The following NFIC variants were observed in gnomAD, a reference collection of about 807,000 sequenced individuals.
The protein encoded by NFIC is nuclear factor 1 C-type.
NFIC carries 12 observed loss-of-function variants against 54.4 expected under a neutral mutation model. The observed-to-expected ratio is 0.22, with a 90% CI of 0.14 to 0.36. The LOEUF is 0.36. NFIC is among the 10% of genes least tolerant of loss of function. NFIC has a pLI of 1.00. For missense variants in NFIC, 575 were observed against 718.2 expected (o/e 0.80, Z 2.28); for synonymous variants, 322 against 319.2 (o/e 1.01, Z -0.09).
rs763570016 is a variant in NFIC at position 3,449,137 on chromosome 19, G to A, written c.1082G>A (p.Ser361Asn). 1.2e-6 allele frequency: 2 copies of A among 1,611,832 alleles called. No individual in the cohort carries two copies. The highest frequency in any genetic ancestry group is 1.7e-6 in the Non-Finnish European group (2 of 1,178,888). Residue 361 changes from serine (S) to asparagine (N), a missense_variant and splice_region_variant, in exon 7 of 11, where the codon AGC (serine) becomes AAC (asparagine). This residue lies in a region of NFIC where 447 missense variants were observed against 526.9 expected (regional missense o/e 0.85). Coordinates refer to ENST00000443272, the MANE Select transcript of NFIC (RefSeq NM_001245002.2). ...QHHRPVIAVH[S>N]GIARSPHPSS... is the part of the protein sequence containing the mutation. ...CACCGGCCCGTCATCGCCGTGCACA[G>A]CGGTAAGCGCCACGGGCCCCTGGCG...
intron 6 of NFIC, among the ~76,000 whole-genome samples, chr19:3,445,891 C>G (rs530424907): frequency 1.3e-5 from 2 of 152,282 alleles, no homozygotes; most frequent in South Asian, 2.1e-4. Context: ...CACCGTTTCT[C>G]ATCAGGGCAT....
At chr19:3,364,287 A>G (rs1289252569), upstream of NFIC, among the ~76,000 whole-genome samples, 1 of 152,194 alleles carries the variant, frequency 6.6e-6, no homozygotes, top group Non-Finnish European at 1.5e-5. Flanking sequence ...TATGACGTAC[A>G]GTTCCCTGTT....
At position 3,437,547 on chromosome 19, in the gene NFIC, G is replaced by C. The variant is rs560173863; in HGVS notation, c.958+2340G>C. Among the ~76,000 whole-genome samples, 3 of 146,880 alleles carry C rather than the reference G, an allele frequency of 2.0e-5. No homozygotes were observed. In the East Asian group the frequency reaches 6.1e-4, roughly 30 times the overall value. On this transcript the variant is annotated intron_variant, in intron 6 of 10. Transcript: ENST00000443272. ...TATGAGGTTCTTTTTTTGTTTGTTT[G>C]TTGTTTTTGTTTTGAGATGGAGTCT...
intron 9 of NFIC, among the ~76,000 whole-genome samples, chr19:3,456,068 T>C (rs1308909254): frequency 6.6e-6 from 1 of 152,112 alleles, no homozygotes; most frequent in African/African-American, 2.4e-5. Flanking sequence ...CAAAATATAA[T>C]CGCTGAGGCT....
chr19:3,454,679 C>G (rs1484691742), intron 9 of NFIC, among the ~76,000 whole-genome samples: 1 of 151,874 alleles, frequency 6.6e-6, no homozygotes, highest in Non-Finnish European at 1.5e-5. Context: ...CCAGACATCT[C>G]TGAACCCAGA....
At chr19:3,434,247 T>A (rs1309103569) in intron 4 of NFIC, 30 bp from the exon 5 acceptor site, 8 of 1,595,414 alleles carry the variant, frequency 5.0e-6, no homozygotes. Flanking sequence ...CACTGCTTCC[T>A]GCCTCACTCT....
intron 2 of NFIC, among the ~76,000 whole-genome samples, chr19:3,417,350 T>TA (rs1248107435): frequency 2.6e-5 from 4 of 152,140 alleles, no homozygotes; most frequent in Non-Finnish European, 5.9e-5. Flanking sequence ...CTTTGGGAAA[T>TA]ACGCTGTGCG....
intron 2 of NFIC, among the ~76,000 whole-genome samples, chr19:3,408,139 C>T (rs752263195): frequency 2.6e-5 from 4 of 152,016 alleles, no homozygotes; most frequent in Admixed American, 6.6e-5. Flanking sequence ...ATCAACCAGG[C>T]GAGCTCACGG....
At chr19:3,368,253 T>A (rs541859079) in intron 1 of NFIC, among the ~76,000 whole-genome samples, 24 of 152,134 alleles carry the variant, frequency 1.6e-4, no homozygotes, top group Non-Finnish European at 3.4e-4. Flanking sequence ...GAGGGGAGGC[T>A]GTTCCAGGCT....
Position 3,464,340 on chromosome 19 carries a change from A to C in NFIC, c.*1571A>C, listed in dbSNP as rs2082686922. 1.0e-6 allele frequency: 1 copy of C among 984,484 alleles called. No homozygotes were observed. Among genetic ancestry groups the C allele is most frequent in the Non-Finnish European group, 1.2e-6 (1 of 829,720 alleles). 61.0% of individuals were successfully genotyped at this position (984,484 alleles called of 1,614,324 possible). ...CCGTGTAGGGGGCCTCCCATCTGCT[A>C]AGCGTTTTTCCGTTGAGCCGCTCCA... is the stretch of plus-strand genomic sequence containing the variant. On this transcript the variant is annotated 3_prime_UTR_variant, in exon 11 of 11. Transcript: ENST00000443272.
intron 6 of NFIC, among the ~76,000 whole-genome samples, chr19:3,441,884 C>T (rs973615684): frequency 6.6e-6 from 1 of 152,216 alleles, no homozygotes; most frequent in Non-Finnish European, 1.5e-5. Context: ...CCTCGGCATC[C>T]TCCCCCCACC....
At chr19:3,406,543 T>A (rs1400619157) in intron 2 of NFIC, among the ~76,000 whole-genome samples, 5 of 152,186 alleles carry the variant, frequency 3.3e-5, no homozygotes, top group African/African-American at 1.2e-4. Flanking sequence ...TGTGTGTTTT[T>A]CACTGCTCTG....
At position 3,468,505 on chromosome 19, in the gene NFIC, T is replaced by C. The variant is rs4807475; in HGVS notation, c.*5736T>C. 97,880 of 151,830 alleles carry C rather than the reference T, an allele frequency of 0.64. 33,110 individuals are homozygous for C. Among genetic ancestry groups the C allele is most frequent in the East Asian group, 0.87 (4,467 of 5,140 alleles). The allele number at this position is 151,830 out of a possible 1,614,324, so 9.4% of individuals were successfully genotyped here. A position where few individuals can be genotyped will look rare whatever the true frequency, so the allele number is the denominator to read the frequency against. ...CCCCAGCTTCCTGCCCACCCAGCCC[T>C]GAGCATTCTCACACAGAGAAAGAAC... On this transcript the variant is annotated 3_prime_UTR_variant, in exon 11 of 11. Transcript: ENST00000443272.
chr19:3,420,630 T>C (rs1405648408), intron 2 of NFIC, among the ~76,000 whole-genome samples: 1 of 151,806 alleles, frequency 6.6e-6, no homozygotes, highest in East Asian at 1.9e-4. Flanking sequence ...AATAGCGATA[T>C]TAATCAAATA....
chr19:3,428,062 C>T (rs1415219865), intron 3 of NFIC, among the ~76,000 whole-genome samples: 1 of 151,318 alleles, frequency 6.6e-6, no homozygotes, highest in Non-Finnish European at 1.5e-5. Flanking sequence ...CCCAGCTACC[C>T]GAGAGGCTGA....
rs1007005166 is a variant in NFIC, at chr19:3,393,690, C to T, written c.562+11447C>T. Reference sequence around the variant, plus strand: ...ATGAGCCGGGCGTGGTGGCGCGAACCTGTAATCCCAGCTACTCTCAGGAGG... The same window carrying T: ...ATGAGCCGGGCGTGGTGGCGCGAACTTGTAATCCCAGCTACTCTCAGGAGG... On this transcript the variant is annotated intron_variant, in intron 2 of 10. Coordinates refer to ENST00000443272, the MANE Select transcript of NFIC (RefSeq NM_001245002.2). Among the ~76,000 whole-genome samples the T allele has an allele frequency of 4.3e-4, 65 of 151,510 alleles. 1 individual carries two copies. The highest frequency in any genetic ancestry group is 1.5e-3 in the African/African-American group (62 of 41,374).
chr19:3,439,013 G>A (rs2082250202), intron 6 of NFIC, among the ~76,000 whole-genome samples: 1 of 152,000 alleles, frequency 6.6e-6, no homozygotes, highest in South Asian at 2.1e-4. Context: ...TGAGGAGCTC[G>A]GGCAACTGGC....
At position 3,458,949 on chromosome 19, in the gene NFIC, G is replaced by A. The variant is rs1253736080; in HGVS notation, c.1509+2314G>A. On this transcript the variant is annotated intron_variant, in intron 10 of 10. Transcript: ENST00000443272. This position sits in a 1 kb window ranked among gnomAD's most constrained non-coding sequence, Gnocchi z 4.1. ...CAGGTCTGGGGAGGACCCCATTGCT[G>A]CTGCCCTGACTGGACTAAGAGCACC... Among the ~76,000 whole-genome samples the A allele has an allele frequency of 1.3e-5, 2 of 152,108 alleles. No individual in the cohort carries two copies. Among genetic ancestry groups the A allele is most frequent in the Admixed American group, 6.5e-5 (1 of 15,270 alleles).
intron 9 of NFIC, 117 bp from the exon 10 acceptor site, chr19:3,456,433 T>C: frequency 1.0e-6 from 1 of 964,238 alleles, no homozygotes. Flanking sequence ...CCCCAGGCAC[T>C]GGGTGCAGAG....
Sources: allele counts gnomAD v4.1 joint callset (sites outside exome capture counted in the v4.1 genomes callset), GRCh38; gene constraint gnomAD v4.1.1; regional missense constraint gnomAD v4.1.1; non-coding constraint Gnocchi (gnomAD v3.1); transcripts MANE v1.5; gene names NCBI Gene and HGNC (gene_info 2026-07-23, HGNC 2026-07-21).